KIAA1549: variants seen among roughly 807,000 people sequenced by gnomAD.
The protein encoded by KIAA1549 is UPF0606 protein KIAA1549.
Under a neutral mutation model 156.4 loss-of-function variants are expected in KIAA1549, and 70 were observed. The observed-to-expected ratio is 0.45, with a 90% confidence interval of 0.37 to 0.55. The LOEUF is 0.55. KIAA1549 is among the 20% of genes least tolerant of loss of function. The pLI is 0.00. For missense variants in KIAA1549, 2,428 were observed against 2,540.9 expected (o/e 0.96, Z 0.96); for synonymous variants, 1,103 against 1,066.4 (o/e 1.03, Z -0.67).
intron 1 of KIAA1549, among the ~76,000 whole-genome samples, chr7:138,933,556 A>G (rs142735348): frequency 4.6e-5 from 7 of 152,354 alleles, no homozygotes; most frequent in Non-Finnish European, 8.8e-5. Context: ...AACAAATGCA[A>G]ACTTCATAAT....
At position 138,959,693 on chromosome 7, in the gene KIAA1549, C is replaced by T. The variant is rs117286574; in HGVS notation, c.187+21390G>A. On this transcript the variant is annotated intron_variant, in intron 1 of 19. Coordinates refer to ENST00000422774, the MANE Select transcript of KIAA1549 (RefSeq NM_001164665.2). ...CTTTTTCTGGATTAGAAGATCCATT[C>T]ATAAATCCCTTTATAAATTTATGTA... Among the ~76,000 whole-genome samples the T allele has an allele frequency of 1.6e-3, 241 of 152,280 alleles. 4 individuals are homozygous for T. The East Asian group carries it at 0.034, about 21-fold the overall frequency.
At position 138,894,334 on chromosome 7, in the gene KIAA1549, C is replaced by A; in HGVS notation, c.4032+8G>T. The A allele has an allele frequency of 6.2e-7, 1 of 1,613,696 alleles. No individual in the cohort carries two copies. Among genetic ancestry groups the A allele is most frequent in the Non-Finnish European group, 8.5e-7 (1 of 1,179,652 alleles). ...ATAGGAACACTGGGGGAAGAGGCTG[C>A]CCGTTACCTTCTGACGCTGCTGAAT... On this transcript the variant is annotated splice_region_variant and intron_variant, in intron 10 of 19. Coordinates refer to ENST00000422774, the MANE Select transcript of KIAA1549 (RefSeq NM_001164665.2).
chr7:138,883,671 T>G (rs1189346319), intron 10 of KIAA1549, among the ~76,000 whole-genome samples: 2 of 152,166 alleles, frequency 1.3e-5, no homozygotes, highest in Non-Finnish European at 2.9e-5. Context: ...TCTGATGACA[T>G]GAAAAGTGTC....
Position 138,868,223 on chromosome 7 carries a change from T to C in KIAA1549, c.4776-95A>G. ...CTAAGTACCCTGAGTACCTAGGATGTGCTACCCCTGGAAACACCCCATAGG... is the reference window on the plus strand; with the variant it reads ...CTAAGTACCCTGAGTACCTAGGATGCGCTACCCCTGGAAACACCCCATAGG... On this transcript the variant is annotated intron_variant, in intron 14 of 19. Transcript: ENST00000422774. 5 of 1,239,506 alleles carry C rather than the reference T, an allele frequency of 4.0e-6. No individual in the cohort carries two copies. The South Asian group carries it at 5.6e-5, about 14-fold the overall frequency. 76.8% of individuals were successfully genotyped at this position (1,239,506 alleles called of 1,614,324 possible). A position where few individuals can be genotyped will look rare whatever the true frequency, so the allele number is the denominator to read the frequency against.
At chr7:138,904,286 C>T (rs113352605) in intron 7 of KIAA1549, among the ~76,000 whole-genome samples, 1 of 152,214 alleles carries the variant, frequency 6.6e-6, no homozygotes, top group Non-Finnish European at 1.5e-5. Flanking sequence ...TCAACCAGAA[C>T]TGGTTTAAGT....
chr7:138,945,278 C>T (rs1813305057), intron 1 of KIAA1549, among the ~76,000 whole-genome samples: 1 of 152,212 alleles, frequency 6.6e-6, no homozygotes, highest in Non-Finnish European at 1.5e-5. Context: ...ACCCCAGGTG[C>T]CTTAGCGCCA....
At chr7:138,977,000 A>G (rs1474781308) in intron 1 of KIAA1549, among the ~76,000 whole-genome samples, 1 of 152,216 alleles carries the variant, frequency 6.6e-6, no homozygotes, top group African/African-American at 2.4e-5. Flanking sequence ...ATAATATCCT[A>G]AACGACTCAC....
intron 1 of KIAA1549, among the ~76,000 whole-genome samples, chr7:138,935,687 A>T (rs758978754): frequency 6.6e-6 from 1 of 152,282 alleles, no homozygotes; most frequent in Admixed American, 6.5e-5. Context: ...ATGAACATCC[A>T]CACCGACGTC....
chr7:138,908,730 T>C (rs571153879), intron 5 of KIAA1549, among the ~76,000 whole-genome samples: 1 of 152,340 alleles, frequency 6.6e-6, no homozygotes, highest in South Asian at 2.1e-4. Context: ...TAGGTAATTC[T>C]TGAATTTCCT....
chr7:138,854,760 A>T (rs1175962226), intron 16 of KIAA1549, among the ~76,000 whole-genome samples: 1 of 152,218 alleles, frequency 6.6e-6, no homozygotes. Context: ...TGAGAAAACC[A>T]TTGAATAATG....
intron 17 of KIAA1549, among the ~76,000 whole-genome samples, chr7:138,845,955 T>C (rs527334319): frequency 1.4e-4 from 21 of 152,212 alleles, no homozygotes; most frequent in Non-Finnish European, 2.6e-4. Flanking sequence ...ACAAAAGCAG[T>C]TGGTTCAGTT....
Position 138,837,702 on chromosome 7 carries a change from G to A in KIAA1549, c.*204C>T, listed in dbSNP as rs1563042635. On this transcript the variant is annotated 3_prime_UTR_variant, in exon 20 of 20. Coordinates refer to ENST00000422774, the MANE Select transcript of KIAA1549 (RefSeq NM_001164665.2). ...ATACATATATTTCAACTGAACCCAAGTGTTCAGACAATTGCCAGCCCAGTG... is the reference window on the plus strand; with the variant it reads ...ATACATATATTTCAACTGAACCCAAATGTTCAGACAATTGCCAGCCCAGTG... 3.3e-6 allele frequency: 2 copies of A among 602,200 alleles called. No individual in the cohort carries two copies. Among genetic ancestry groups the A allele is most frequent in the Non-Finnish European group, 5.8e-6 (2 of 347,066 alleles). The allele number at this position is 602,200 out of a possible 1,614,324, so 37.3% of individuals were successfully genotyped here.
chr7:138,856,437 T>C (rs1002046182), intron 16 of KIAA1549, among the ~76,000 whole-genome samples: 1 of 152,194 alleles, frequency 6.6e-6, no homozygotes, highest in South Asian at 2.1e-4. Context: ...TCGCTGATTC[T>C]TCCTCTTGAA....
At chr7:138,876,435 A>G (rs1211295943) in intron 12 of KIAA1549, 1 of 152,178 alleles carries the variant, frequency 6.6e-6, no homozygotes, top group Non-Finnish European at 1.5e-5. Flanking sequence ...TTGCCTTTCA[A>G]TTTTAGTCTA....
intron 6 of KIAA1549, among the ~76,000 whole-genome samples, chr7:138,905,416 T>C (rs2130455095): frequency 1.3e-5 from 2 of 152,278 alleles, no homozygotes; most frequent in Non-Finnish European, 2.9e-5. Context: ...CCCAGCAAGG[T>C]CTCAGGGTAA....
At chr7:138,942,604 C>T (rs1399409937) in intron 1 of KIAA1549, among the ~76,000 whole-genome samples, 2 of 151,854 alleles carry the variant, frequency 1.3e-5, no homozygotes, top group African/African-American at 2.4e-5. Context: ...TACATGCGCT[C>T]CCTTACCCGC....
chr7:138,870,066 GTC>G (rs1307896007), intron 13 of KIAA1549, among the ~76,000 whole-genome samples: 1 of 151,810 alleles, frequency 6.6e-6, no homozygotes, highest in Non-Finnish European at 1.5e-5. Flanking sequence ...GGCCAGGCTG[GTC>G]TCGAACTCCT....
At chr7:138,877,244 A>T (rs1418087862) in intron 12 of KIAA1549, among the ~76,000 whole-genome samples, 1 of 152,256 alleles carries the variant, frequency 6.6e-6, no homozygotes, top group African/African-American at 2.4e-5. Context: ...CTGTAATCCC[A>T]GCACTTTGGG....
Position 138,855,909 on chromosome 7 carries a change from T to C in KIAA1549, c.5248-3640A>G, listed in dbSNP as rs536781767. Among the ~76,000 whole-genome samples, 21 of 152,278 alleles carry C rather than the reference T, an allele frequency of 1.4e-4. No homozygotes were observed. In the East Asian group the frequency reaches 2.9e-3, roughly 21 times the overall value. On this transcript the variant is annotated intron_variant, in intron 16 of 19. Coordinates refer to ENST00000422774, the MANE Select transcript of KIAA1549 (RefSeq NM_001164665.2). ...TGCTCTGAGGATAAAAACCATGAGA[T>C]GACTGGTTCCTCAACCTTCTACCAG...
Sources: gnomAD v4.1 joint callset for allele counts (sites outside exome capture counted in the v4.1 genomes callset) on GRCh38, gnomAD v4.1.1 for gene constraint, MANE v1.5 for transcripts, NCBI Gene and HGNC (gene_info 2026-07-23, HGNC 2026-07-21) for gene names.